MYLK2: variants seen among roughly 807,000 people sequenced by gnomAD.
The protein encoded by MYLK2 is myosin light chain kinase 2, skeletal/cardiac muscle.
A neutral mutation model predicts 58.2 loss-of-function variants in MYLK2; 27 were observed. That is an observed-to-expected ratio of 0.46 (90% CI 0.34 to 0.64). The LOEUF (loss-of-function observed/expected upper bound fraction) is 0.64, where lower values mean the gene tolerates loss of function less well. Among genes scored for constraint, MYLK2 ranks in the 30% least tolerant of loss-of-function variants. The pLI, the probability that MYLK2 is intolerant of heterozygous loss-of-function variation, is 0.01. For synonymous variants in MYLK2, 310 were observed against 296.7 expected (o/e 1.04, Z -0.46); for missense variants, 676 against 764.3 (o/e 0.88, Z 1.36).
At chr20:31,833,504 G>T (rs1449826909) in intron 12 of MYLK2, among the ~76,000 whole-genome samples, 3 of 152,162 alleles carry the variant, frequency 2.0e-5, no homozygotes, top group Admixed American at 2.0e-4. Context: ...GGAGCAGAGC[G>T]GTCCTTGGTT....
chr20:31,821,212 C>T (rs1425100937), intron 3 of MYLK2, among the ~76,000 whole-genome samples: 3 of 152,150 alleles, frequency 2.0e-5, no homozygotes, highest in Non-Finnish European at 2.9e-5. Flanking sequence ...GATGATTAAC[C>T]ATATCAACAA....
intron 6 of MYLK2, 53 bp from the exon 7 acceptor site, chr20:31,826,552 G>A (rs1013635197): frequency 3.1e-6 from 5 of 1,611,014 alleles, no homozygotes; most frequent in Admixed American, 1.7e-5. Flanking sequence ...TGGAGGGTGG[G>A]TGGCAGGGAG....
rs1411255573 is a variant in MYLK2, at chr20:31,820,041, G to T, written c.53-85G>T. 81 of 1,564,574 alleles carry T rather than the reference G, an allele frequency of 5.2e-5. No individual in the cohort carries two copies. In the Admixed American group the frequency reaches 1.3e-3, roughly 25 times the overall value. On this transcript the variant is annotated intron_variant, in intron 2 of 12. Transcript: ENST00000375985. ...CAAGTTGTTGCCTGGGTGGGAACCTGGGCCCAGAGCTGGTCTCTGCCCAGC... is the reference window on the plus strand; with the variant it reads ...CAAGTTGTTGCCTGGGTGGGAACCTTGGCCCAGAGCTGGTCTCTGCCCAGC...
In MYLK2 at chr20:31,831,140, C is replaced by T. The variant is rs2062304446; in HGVS notation, c.1423C>T (p.Leu475=). 1.9e-6 allele frequency: 3 copies of T among 1,614,090 alleles called. No individual in the cohort carries two copies. In the East Asian group the frequency reaches 6.7e-5, roughly 36 times the overall value. The part of the protein sequence containing the change: ...MWSMGVITYM[L]LSGLSPFLGD... Reference sequence around the variant, plus strand: ...GAGTATGGGGGTGATCACCTACATGCTGTGAGCTCCCAGGCGGGTCGTGTT... The same window carrying T: ...GAGTATGGGGGTGATCACCTACATGTTGTGAGCTCCCAGGCGGGTCGTGTT... The change falls in exon 10 of 13, where the codon CTG becomes TTG. Residue 475 remains leucine (L), a splice_region_variant and synonymous_variant. Transcript: ENST00000375985.
chr20:31,832,161 G>T, intron 12 of MYLK2, 25 bp downstream of exon 12: 1 of 1,585,004 alleles, frequency 6.3e-7, no homozygotes, highest in South Asian at 1.1e-5. Flanking sequence ...AGGGTGGGGA[G>T]GGAGGGCTTG....
intron 8 of MYLK2, chr20:31,827,300 T>C (rs1227249421): frequency 1.0e-6 from 1 of 985,214 alleles, no homozygotes; most frequent in African/African-American, 1.7e-5. Flanking sequence ...CCTTGGCCCA[T>C]GATAGGTACT....
At chr20:31,833,203 C>T (rs1210191358) in intron 12 of MYLK2, among the ~76,000 whole-genome samples, 1 of 152,196 alleles carries the variant, frequency 6.6e-6, no homozygotes, top group Middle Eastern at 3.4e-3. Flanking sequence ...AGGAAGGGCT[C>T]ACTGAGAAGC....
In MYLK2 at chr20:31,831,118, T is replaced by A; in HGVS notation, c.1401T>A (p.Ser467Arg). ...DQISDKTDMWSMGVITYMLLS... is the reference protein window; with the variant it reads ...DQISDKTDMWRMGVITYMLLS... ...TCTCCGATAAGACAGACATGTGGAGTATGGGGGTGATCACCTACATGCTGT... is the reference window on the plus strand; with the variant it reads ...TCTCCGATAAGACAGACATGTGGAGAATGGGGGTGATCACCTACATGCTGT... Residue 467 changes from serine to arginine, a missense_variant, in exon 10 of 13, where the codon AGT becomes AGA. By Grantham distance (110) the Ser-to-Arg change is moderately radical. Coordinates refer to ENST00000375985, the MANE Select transcript of MYLK2 (RefSeq NM_033118.4). The A allele has an allele frequency of 6.2e-7, 1 of 1,613,498 alleles. No individual in the cohort carries two copies. The highest frequency in any genetic ancestry group is 8.5e-7 in the Non-Finnish European group (1 of 1,179,868).
At position 31,832,075 on chromosome 20, in the gene MYLK2, G is replaced by A. The variant is rs771059154; in HGVS notation, c.1649G>A (p.Cys550Tyr). The A allele has an allele frequency of 1.6e-5, 25 of 1,599,020 alleles. No homozygotes were observed. In the Admixed American group the frequency reaches 3.7e-4, roughly 24 times the overall value. ...AACCTGGCGGAGAAAGCCAAACGCTGTAACCGACGCCTTAAGTCCCAGATC... is the reference window on the plus strand; with the variant it reads ...AACCTGGCGGAGAAAGCCAAACGCTATAACCGACGCCTTAAGTCCCAGATC... Reference protein sequence around the residue: ...LNNLAEKAKRCNRRLKSQILL... With the variant: ...LNNLAEKAKRYNRRLKSQILL... The change falls in exon 12 of 13, where the codon TGT (cysteine) becomes TAT (tyrosine). Residue 550 changes from cysteine (C) to tyrosine (Y), a missense_variant. By Grantham distance (194) the Cys-to-Tyr change is radical. Coordinates refer to ENST00000375985, the MANE Select transcript of MYLK2 (RefSeq NM_033118.4).
rs546683271 is a variant in MYLK2, at chr20:31,832,516, A to G, written c.1710+380A>G. The stretch of plus-strand genomic sequence containing the variant: ...TCTATCTTTTTTTCTTTCTTTCAAT[A>G]CAGTCTTGCTCTGTCACCCAGGCTG... On this transcript the variant is annotated intron_variant, in intron 12 of 12. Transcript: ENST00000375985. 2.0e-5 allele frequency among the ~76,000 whole-genome samples: 3 copies of G among 152,092 alleles called. No homozygotes were observed. In the South Asian group the frequency reaches 6.2e-4, roughly 32 times the overall value.
In MYLK2 at chr20:31,820,417, A is replaced by C. The variant is rs727504681; in HGVS notation, c.344A>C (p.Gln115Pro). Residue 115 changes from glutamine (Q) to proline (P), a missense_variant, in exon 3 of 13, where the codon CAG becomes CCG. By Grantham distance (76) the Gln-to-Pro change is moderately conservative. Transcript: ENST00000375985. ...ETSVKKPKAE[Q>P]GASGSQDPGK... ...AGCGTCAAGAAGCCCAAGGCTGAGC[A>C]GGGAGCCTCAGGCAGCCAGGATCCT... 23 of 1,612,900 alleles carry C rather than the reference A, an allele frequency of 1.4e-5. 1 individual carries two copies. The African/African-American group carries it at 2.1e-4, about 15-fold the overall frequency.
At chr20:31,830,714 C>A in intron 8 of MYLK2, 105 bp from the exon 9 acceptor site, 2 of 1,193,894 alleles carry the variant, frequency 1.7e-6, no homozygotes, top group Non-Finnish European at 2.5e-6. Context: ...CCCACTCTGG[C>A]AGCTTGGGCC....
intron 5 of MYLK2, 22 bp from the exon 6 acceptor site, chr20:31,824,237 T>C: frequency 6.2e-7 from 1 of 1,610,558 alleles, no homozygotes; most frequent in Non-Finnish European, 8.5e-7. Context: ...GTCCCCTCAC[T>C]TACAGCCTCT....
At chr20:31,821,820 C>T (rs990854885) in intron 4 of MYLK2, 83 bp downstream of exon 4, 19 of 1,419,978 alleles carry the variant, frequency 1.3e-5, no homozygotes, top group East Asian at 9.3e-5. Flanking sequence ...TCTACCTATT[C>T]GGAGGTCTGA....
At position 31,831,966 on chromosome 20, in the gene MYLK2, G is replaced by A. The variant is rs762055397; in HGVS notation, c.1578-38G>A. On this transcript the variant is annotated intron_variant, in intron 11 of 12. Coordinates refer to ENST00000375985, the MANE Select transcript of MYLK2 (RefSeq NM_033118.4). ...CAGCTGAGCCCCTGGGGCCTCACGA[G>A]CATGCAGCCCACCGTCACCATGCTG... 3 of 1,612,416 alleles carry A rather than the reference G, an allele frequency of 1.9e-6. No homozygotes were observed. The East Asian group carries it at 6.7e-5, about 36-fold the overall frequency.
chr20:31,823,344 CAGGTGT>C, intron 4 of MYLK2, 127 bp from the exon 5 acceptor site: 1 of 761,398 alleles, frequency 1.3e-6, no homozygotes, highest in South Asian at 1.6e-5. Context: ...ATCCTGGAGC[CAGGTGT>C]CCCCCAGGTA....
chr20:31,832,262 A>T, intron 12 of MYLK2, 126 bp downstream of exon 12: 1 of 1,362,376 alleles, frequency 7.3e-7, no homozygotes. Context: ...TGTCCGGAAG[A>T]CAGGGTTGAC....
rs1232256911 is a variant in MYLK2 at position 31,834,148 on chromosome 20, C to G, written c.*351C>G. 2.7e-5 allele frequency: 9 copies of G among 337,312 alleles called. No homozygotes were observed. Among genetic ancestry groups the G allele is most frequent in the South Asian group, 1.8e-4 (6 of 33,830 alleles). The allele number at this position is 337,312 out of a possible 1,614,324, so 20.9% of individuals were successfully genotyped here. ...CCGTGGTGACCCCTGCTTTGCCCCA[C>G]TGGGAGAGTCCTTAGCCTGGGCCTC... On this transcript the variant is annotated 3_prime_UTR_variant, in exon 13 of 13. Coordinates refer to ENST00000375985, the MANE Select transcript of MYLK2 (RefSeq NM_033118.4).
At chr20:31,828,077 G>A (rs941144763) in intron 8 of MYLK2, 4 of 523,202 alleles carry the variant, frequency 7.6e-6, no homozygotes, top group South Asian at 1.7e-4. Flanking sequence ...TAGTGGAGAC[G>A]GGGTTTCGCC....
Sources: gnomAD v4.1 joint callset for allele counts (sites outside exome capture counted in the v4.1 genomes callset) on GRCh38, gnomAD v4.1.1 for gene constraint, MANE v1.5 for transcripts, NCBI Gene and HGNC (gene_info 2026-07-23, HGNC 2026-07-21) for gene names.